Variants in TENM4 observed in about 807,000 individuals in gnomAD.
TENM4 encodes teneurin transmembrane protein 4, also known as teneurin-4.
Under a neutral mutation model 243.3 loss-of-function variants are expected in TENM4, and 82 were observed. The observed-to-expected ratio is 0.34, with a 90% CI of 0.28 to 0.40. The LOEUF (loss-of-function observed/expected upper bound fraction) is 0.40. Among genes scored for constraint, TENM4 ranks in the 10% least tolerant of loss-of-function variants. The probability of loss-of-function intolerance (pLI) is 1.00; values close to 1 mark genes in which losing one functional copy is unlikely to be tolerated. For synonymous variants in TENM4, 1,412 were observed against 1,456.3 expected (o/e 0.97, Z 0.69); for missense variants, 3,138 against 3,673.3 (o/e 0.85, Z 3.77).
rs1856938466 is a variant in TENM4 at position 79,324,278 on chromosome 11, G to A, written c.-320-26735C>T. ...ACTCTGTCACCCAGGCTGGAGTGCA[G>A]TGGTGAGATCATAGCTCAGTGCAGC... On this transcript the variant is annotated intron_variant, in intron 1 of 33. Coordinates refer to ENST00000278550, the MANE Select transcript of TENM4 (RefSeq NM_001098816.3). Among the ~76,000 whole-genome samples, 10 of 152,184 alleles carry A rather than the reference G, an allele frequency of 6.6e-5. No individual in the cohort carries two copies. In the South Asian group the frequency reaches 1.9e-3, roughly 28 times the overall value.
chr11:79,252,985 T>A (rs1437968531), intron 2 of TENM4, among the ~76,000 whole-genome samples: 2 of 152,220 alleles, frequency 1.3e-5, no homozygotes, highest in Non-Finnish European at 2.9e-5. Context: ...ACATATATTA[T>A]ATCAACAGAT....
intron 1 of TENM4, among the ~76,000 whole-genome samples, chr11:79,300,182 T>A (rs1345104449): frequency 6.6e-6 from 1 of 152,230 alleles, no homozygotes; most frequent in Non-Finnish European, 1.5e-5. Context: ...GACTATTCAC[T>A]AAATACAATA....
At chr11:79,188,945 C>G (rs1298733050) in intron 3 of TENM4, among the ~76,000 whole-genome samples, 2 of 152,084 alleles carry the variant, frequency 1.3e-5, no homozygotes, top group Non-Finnish European at 2.9e-5. Flanking sequence ...AAGAGGGAAC[C>G]TAAGGAATTC....
intron 3 of TENM4, among the ~76,000 whole-genome samples, chr11:79,181,981 A>T (rs1422353100): frequency 1.3e-5 from 2 of 152,048 alleles, no homozygotes; most frequent in Admixed American, 6.5e-5. Context: ...CACGTTTATA[A>T]ACAGGAAGAC....
chr11:79,226,839 T>C (rs1864276603), intron 2 of TENM4, among the ~76,000 whole-genome samples: 1 of 152,176 alleles, frequency 6.6e-6, no homozygotes, highest in South Asian at 2.1e-4. Context: ...TCAGAGAAAT[T>C]AGAAAAGAGC....
intron 6 of TENM4, among the ~76,000 whole-genome samples, chr11:78,942,488 A>C (rs1157809933): frequency 1.3e-5 from 2 of 151,482 alleles, no homozygotes; most frequent in Non-Finnish European, 2.9e-5. Context: ...ATAATTTTTT[A>C]AGAAAGTTGA....
At chr11:79,174,841 C>T (rs1294135601) in intron 3 of TENM4, among the ~76,000 whole-genome samples, 1 of 152,196 alleles carries the variant, frequency 6.6e-6, no homozygotes, top group Non-Finnish European at 1.5e-5. Flanking sequence ...TGACAGCTCC[C>T]AGCTGTTGTT....
At chr11:78,834,038 A>G (rs1238357547) in intron 12 of TENM4, among the ~76,000 whole-genome samples, 1 of 152,160 alleles carries the variant, frequency 6.6e-6, no homozygotes, top group African/African-American at 2.4e-5. Flanking sequence ...AGCTATGGGA[A>G]ATGTGCTTGT....
intron 9 of TENM4, among the ~76,000 whole-genome samples, chr11:78,883,751 G>C (rs747112226): frequency 6.6e-6 from 1 of 152,242 alleles, no homozygotes; most frequent in African/African-American, 2.4e-5. Flanking sequence ...AGAAGCAACA[G>C]TTAGTGAATC....
rs1486435281 is a variant in TENM4, at chr11:79,130,769, G to T, written c.-66+17941C>A. 2.0e-5 allele frequency among the ~76,000 whole-genome samples: 3 copies of T among 152,144 alleles called. No individual in the cohort carries two copies. The East Asian group carries it at 5.8e-4, about 29-fold the overall frequency. On this transcript the variant is annotated intron_variant, in intron 4 of 33. Coordinates refer to ENST00000278550, the MANE Select transcript of TENM4 (RefSeq NM_001098816.3). ...ACTCGGGGGGCGGAGCTTGCAGTGAGCCGAGATTGCACCACTGCACTCCAG... is the reference window on the plus strand; with the variant it reads ...ACTCGGGGGGCGGAGCTTGCAGTGATCCGAGATTGCACCACTGCACTCCAG...
intron 19 of TENM4, among the ~76,000 whole-genome samples, chr11:78,750,427 G>A (rs1856162288): frequency 1.3e-5 from 2 of 152,178 alleles, no homozygotes; most frequent in African/African-American, 4.8e-5. Context: ...TGAAATTTTT[G>A]TCTCAGGCTG....
In TENM4 at chr11:78,658,135, C is replaced by T. The variant is rs777489674; in HGVS notation, c.8233G>A (p.Val2745Ile). 1 of 1,614,054 alleles carries T rather than the reference C, an allele frequency of 6.2e-7. No homozygotes were observed. Among genetic ancestry groups the T allele is most frequent in the East Asian group, 2.2e-5 (1 of 44,870 alleles). ...TCTGACAGTTCTGGGTACTGCTCGA[C>T]AGAGATCACGAAAAAGCCGTCGTAG... ...QGYDGFFVIS[V>I]EQYPELSDSA... Residue 2745 changes from valine to isoleucine, a missense_variant, in exon 34 of 34, where the codon GTC becomes ATC. Transcript: ENST00000278550.
intron 2 of TENM4, among the ~76,000 whole-genome samples, chr11:79,245,958 A>AAAAAG (rs1565266632): frequency 1.3e-5 from 2 of 150,528 alleles, no homozygotes; most frequent in African/African-American, 4.9e-5. Context: ...AAAAAAAAAA[A>AAAAAG]AAAAGAAAAG....
At chr11:79,408,034 G>C (rs570840909) in intron 1 of TENM4, among the ~76,000 whole-genome samples, 1 of 151,934 alleles carries the variant, frequency 6.6e-6, no homozygotes. Flanking sequence ...CTCCCAAGTA[G>C]CTGGGATTAC....
At chr11:79,059,496 A>G (rs910987662) in intron 6 of TENM4, among the ~76,000 whole-genome samples, 1 of 152,246 alleles carries the variant, frequency 6.6e-6, no homozygotes, top group African/African-American at 2.4e-5. Context: ...ATTAAGGCCC[A>G]ACACAGACCT....
chr11:79,159,809 C>T (rs1430230736), intron 3 of TENM4, among the ~76,000 whole-genome samples: 1 of 152,210 alleles, frequency 6.6e-6, no homozygotes, highest in Non-Finnish European at 1.5e-5. Flanking sequence ...AATACTGACT[C>T]AGTCATTCAT....
chr11:78,713,007 A>C (rs1466450939), intron 25 of TENM4, among the ~76,000 whole-genome samples: 1 of 152,224 alleles, frequency 6.6e-6, no homozygotes, highest in East Asian at 1.9e-4. Flanking sequence ...GCTCAGTGCC[A>C]TGTTTGTATC....
At chr11:78,876,850 G>A (rs140631539) in intron 9 of TENM4, among the ~76,000 whole-genome samples, 145 of 152,282 alleles carry the variant, frequency 9.5e-4, no homozygotes, top group Non-Finnish European at 1.7e-3. Flanking sequence ...TGAAATCCCT[G>A]CATCCAGGGA....
At position 78,676,132 on chromosome 11, in the gene TENM4, C is replaced by T; in HGVS notation, c.5496+20G>A. ...ATTCTTTCCCCCCAGGACGCAGCCACCTCCAGAGGCCTCGCTCACCCGCAG... is the reference window on the plus strand; with the variant it reads ...ATTCTTTCCCCCCAGGACGCAGCCATCTCCAGAGGCCTCGCTCACCCGCAG... On this transcript the variant is annotated intron_variant, in intron 30 of 33. Coordinates refer to ENST00000278550, the MANE Select transcript of TENM4 (RefSeq NM_001098816.3). 6.7e-7 allele frequency: 1 copy of T among 1,485,000 alleles called. No individual in the cohort carries two copies. The highest frequency in any genetic ancestry group is 1.3e-5 in the South Asian group (1 of 75,840). 92.0% of individuals were successfully genotyped at this position (1,485,000 alleles called of 1,614,324 possible).
Sources: allele counts gnomAD v4.1 joint callset (sites outside exome capture counted in the v4.1 genomes callset), GRCh38; gene constraint gnomAD v4.1.1; transcripts MANE v1.5; gene names NCBI Gene and HGNC (gene_info 2026-07-23, HGNC 2026-07-21).